The following PID1 variants were observed in gnomAD, a reference collection of about 807,000 sequenced individuals.
PID1 encodes phosphotyrosine interaction domain containing 1, also known as PTB-containing, cubilin and LRP1-interacting protein.
Under a neutral mutation model 19.1 loss-of-function variants are expected in PID1, and 10 were observed. That is an observed-to-expected ratio of 0.52 (90% CI 0.32 to 0.89). The LOEUF (loss-of-function observed/expected upper bound fraction) is 0.89, where lower values mean the gene tolerates loss of function less well. Ranked by LOEUF, PID1 falls within the 40% of genes least tolerant of loss-of-function variation. The pLI is 0.03. For synonymous variants in PID1, 130 were observed against 116.0 expected (o/e 1.12, Z -0.78); for missense variants, 248 against 285.3 (o/e 0.87, Z 0.94).
In PID1 at chr2:229,211,042, G is replaced by A. The variant is rs542563165; in HGVS notation, c.31-55078C>T. Among the ~76,000 whole-genome samples the A allele has an allele frequency of 1.2e-4, 19 of 152,252 alleles. No homozygotes were observed. In the South Asian group the frequency reaches 3.3e-3, roughly 27 times the overall value. On this transcript the variant is annotated intron_variant, in intron 1 of 2. Coordinates refer to ENST00000392055, the MANE Select transcript of PID1 (RefSeq NM_001100818.2). ...TTTCCAAATAAAGCTGCCTTACAAC[G>A]AAGAAATATTTACTGTGGCAATGTT... is the stretch of plus-strand genomic sequence containing the variant.
chr2:229,231,885 GTAGA>G (rs1413845052), intron 1 of PID1: 1 of 1,549,352 alleles, frequency 6.5e-7, no homozygotes, highest in South Asian at 1.2e-5. Context: ...ATACCACAGA[GTAGA>G]TAATTTATAA....
intron 2 of PID1, among the ~76,000 whole-genome samples, chr2:229,038,129 C>T (rs1036048439): frequency 6.6e-6 from 1 of 152,068 alleles, no homozygotes; most frequent in South Asian, 2.1e-4. Flanking sequence ...TAGTAAGCAA[C>T]CAGTGGAGAT....
chr2:229,243,505 G>A (rs772460153), intron 1 of PID1, among the ~76,000 whole-genome samples: 13 of 152,166 alleles, frequency 8.5e-5, no homozygotes, highest in South Asian at 2.1e-4. Context: ...TCAAGACTGC[G>A]CACTCCCAGA....
At position 229,232,380 on chromosome 2, in the gene PID1, C is replaced by A. The variant is rs182000546; in HGVS notation, c.30+38634G>T. ...CTGTGAGGCAGAGCCTGCAGTGAGC[C>A]GAGATCGTGCCACTGTACTCTAGCC... On this transcript the variant is annotated intron_variant, in intron 1 of 2. Transcript: ENST00000392055. 3.3e-5 allele frequency among the ~76,000 whole-genome samples: 4 copies of A among 120,064 alleles called. No individual in the cohort carries two copies. The East Asian group carries it at 1.0e-3, about 31-fold the overall frequency. The allele number at this position is 120,064 out of a possible 152,430, so 78.8% of individuals were successfully genotyped here.
intron 1 of PID1, among the ~76,000 whole-genome samples, chr2:229,185,304 C>T (rs900026755): frequency 1.3e-5 from 2 of 151,866 alleles, no homozygotes; most frequent in Non-Finnish European, 2.9e-5. Flanking sequence ...TCCATCTTGC[C>T]TCATGTTTCT....
intron 1 of PID1, among the ~76,000 whole-genome samples, chr2:229,161,592 T>A (rs1356552981): frequency 6.6e-6 from 1 of 152,240 alleles, no homozygotes; most frequent in Non-Finnish European, 1.5e-5. Context: ...ATCTCTTTTT[T>A]AAAAAAGTGA....
intron 2 of PID1, among the ~76,000 whole-genome samples, chr2:229,144,928 T>A (rs1690094780): frequency 6.6e-6 from 1 of 151,870 alleles, no homozygotes; most frequent in Non-Finnish European, 1.5e-5. Flanking sequence ...ACAAGGAAAG[T>A]CTAGGTTTAT....
chr2:229,104,236 T>C (rs1695130473), intron 2 of PID1, among the ~76,000 whole-genome samples: 1 of 152,164 alleles, frequency 6.6e-6, no homozygotes, highest in Non-Finnish European at 1.5e-5. Flanking sequence ...TTCACCTAAA[T>C]TGCCCTTGAA....
At chr2:229,042,018 A>G (rs139950920) in intron 2 of PID1, among the ~76,000 whole-genome samples, 6 of 152,324 alleles carry the variant, frequency 3.9e-5, no homozygotes, top group African/African-American at 1.2e-4. Flanking sequence ...TAGATTATAA[A>G]ATAGTATTGT....
intron 2 of PID1, among the ~76,000 whole-genome samples, chr2:229,033,791 G>A (rs982809276): frequency 1.3e-5 from 2 of 152,180 alleles, no homozygotes; most frequent in Non-Finnish European, 2.9e-5. Flanking sequence ...AAACTTTGCT[G>A]GGAATCCTAA....
intron 1 of PID1, among the ~76,000 whole-genome samples, chr2:229,183,330 C>T (rs1559273101): frequency 6.6e-6 from 1 of 152,216 alleles, no homozygotes; most frequent in Non-Finnish European, 1.5e-5. Flanking sequence ...GCCTCCCAAA[C>T]TGTGAAAGAA....
At chr2:229,208,668 C>A (rs1158432345) in intron 1 of PID1, among the ~76,000 whole-genome samples, 1 of 152,110 alleles carries the variant, frequency 6.6e-6, no homozygotes, top group Non-Finnish European at 1.5e-5. Flanking sequence ...ATTTGTAATT[C>A]TATAAACTCA....
intron 1 of PID1, among the ~76,000 whole-genome samples, chr2:229,258,637 A>G (rs7604426): frequency 0.21 from 31,890 of 152,110 alleles, 3,998 homozygotes; most frequent in Non-Finnish European, 0.28. Context: ...AAACCCATGA[A>G]TCCATCACAT....
intron 2 of PID1, among the ~76,000 whole-genome samples, chr2:229,091,067 T>C (rs987388882): frequency 1.4e-4 from 22 of 152,310 alleles, no homozygotes; most frequent in African/African-American, 5.0e-4. Flanking sequence ...ATTTCCCTTT[T>C]AAACTTTATC....
intron 1 of PID1, among the ~76,000 whole-genome samples, chr2:229,204,100 A>T (rs1437946237): frequency 6.6e-6 from 1 of 152,110 alleles, no homozygotes; most frequent in Non-Finnish European, 1.5e-5. Context: ...AAGAACCCTG[A>T]TCAATACACA....
chr2:229,245,450 T>A (rs1689977105), intron 1 of PID1, among the ~76,000 whole-genome samples: 1 of 152,116 alleles, frequency 6.6e-6, no homozygotes, highest in Non-Finnish European at 1.5e-5. Context: ...CTAACAACAA[T>A]TATAATCCTG....
chr2:229,226,763 A>C (rs1692085467), intron 1 of PID1, among the ~76,000 whole-genome samples: 1 of 152,096 alleles, frequency 6.6e-6, no homozygotes, highest in African/African-American at 2.4e-5. Context: ...TCCAAAATAA[A>C]CTCACACATT....
At chr2:229,057,560 CTGAG>C (rs773113692) in intron 2 of PID1, among the ~76,000 whole-genome samples, 14 of 151,418 alleles carry the variant, frequency 9.2e-5, no homozygotes, top group African/African-American at 2.2e-4. Flanking sequence ...AGAATTGGAA[CTGAG>C]TGAGAAAATT....
intron 1 of PID1, among the ~76,000 whole-genome samples, chr2:229,237,751 C>T (rs1689753270): frequency 6.6e-6 from 1 of 152,140 alleles, no homozygotes; most frequent in African/African-American, 2.4e-5. Flanking sequence ...GCCCCATACA[C>T]ACAAGCACGT....
Sources: allele counts gnomAD v4.1 joint callset (sites outside exome capture counted in the v4.1 genomes callset), GRCh38; gene constraint gnomAD v4.1.1; transcripts MANE v1.5; gene names NCBI Gene and HGNC (gene_info 2026-07-23, HGNC 2026-07-21).